CARS1: variants seen among roughly 807,000 people sequenced by gnomAD.
The protein encoded by CARS1 is cysteine--tRNA ligase, cytoplasmic.
CARS1 carries 48 observed loss-of-function variants against 106.2 expected under a neutral mutation model. That is an observed-to-expected ratio of 0.45 (90% confidence interval 0.36 to 0.57). CARS1 has a LOEUF of 0.57. Among genes scored for constraint, CARS1 ranks in the 20% least tolerant of loss-of-function variants. The probability of loss-of-function intolerance (pLI) is 0.00; values close to 1 mark genes in which losing one functional copy is unlikely to be tolerated. For synonymous variants in CARS1, 409 were observed against 403.4 expected (o/e 1.01, Z -0.17); for missense variants, 968 against 1,057.2 (o/e 0.92, Z 1.17).
intron 2 of CARS1, chr11:3,042,474 G>C (rs1854594353): frequency 5.6e-6 from 3 of 538,046 alleles, no homozygotes; most frequent in Admixed American, 3.5e-5. Context: ...GCCCAGGCCA[G>C]AGTGCAGTGG....
Position 3,034,990 on chromosome 11 carries a change from C to T in CARS1, c.801+3060G>A, listed in dbSNP as rs1214487432. 2.6e-5 allele frequency among the ~76,000 whole-genome samples: 4 copies of T among 152,108 alleles called. No individual in the cohort carries two copies. Among genetic ancestry groups the T allele is most frequent in the Admixed American group, 6.5e-5 (1 of 15,268 alleles). On this transcript the variant is annotated intron_variant, in intron 7 of 22. Coordinates refer to ENST00000380525, the MANE Select transcript of CARS1 (RefSeq NM_001014437.3). This position sits in a 1 kb window ranked among gnomAD's most constrained non-coding sequence, Gnocchi z 6.3. ...CAGAGCATCACATGGCCAGGGGGCT[C>T]ATGAGGGCCAAACTGGCTTCTGTAA...
Position 3,038,466 on chromosome 11 carries a change from T to G in CARS1, c.652-267A>C, listed in dbSNP as rs1853978201. Reference sequence around the variant, plus strand: ...CAGTTTCTCCAATGCAAATTGGGTGTGAGAGCAGTATTTCTAGGGCTGTTC... The same window carrying G: ...CAGTTTCTCCAATGCAAATTGGGTGGGAGAGCAGTATTTCTAGGGCTGTTC... On this transcript the variant is annotated intron_variant, in intron 6 of 22. Transcript: ENST00000380525. The surrounding 1 kb of genome is among the most constrained non-coding windows in gnomAD (Gnocchi z 4.0). Among the ~76,000 whole-genome samples, 1 of 152,176 alleles carries G rather than the reference T, an allele frequency of 6.6e-6. No individual in the cohort carries two copies. The highest frequency in any genetic ancestry group is 6.5e-5 in the Admixed American group (1 of 15,286).
intron 17 of CARS1, among the ~76,000 whole-genome samples, chr11:3,013,950 C>CA (rs1306809046): frequency 6.6e-6 from 1 of 152,116 alleles, no homozygotes; most frequent in Non-Finnish European, 1.5e-5. Flanking sequence ...GACTCTGTCT[C>CA]AAAAACAGAA....
rs1291426875 is a variant in CARS1 at position 3,052,407 on chromosome 11, GTAT to G, written c.26-4409_26-4407del. ...CATCATTATTATCATAATCGCTCTG[GTAT>G]TATTAATGTTATTGTAATAGCCGCA... On this transcript the variant is annotated intron_variant, in intron 1 of 22. Coordinates refer to ENST00000380525, the MANE Select transcript of CARS1 (RefSeq NM_001014437.3). The surrounding 1 kb of genome is among the most constrained non-coding windows in gnomAD (Gnocchi z 4.6). Among the ~76,000 whole-genome samples, 5 of 152,186 alleles carry G rather than the reference GTAT, an allele frequency of 3.3e-5. No homozygotes were observed. The highest frequency in any genetic ancestry group is 7.3e-5 in the Non-Finnish European group (5 of 68,036).
Position 3,018,414 on chromosome 11 carries a change from G to C in CARS1, c.1623C>G (p.Phe541Leu), listed in dbSNP as rs1431223421. 6.2e-6 allele frequency: 10 copies of C among 1,611,186 alleles called. No homozygotes were observed. The highest frequency in any genetic ancestry group is 1.1e-5 in the South Asian group (1 of 91,028). Residue 541 changes from phenylalanine to leucine, a missense_variant, in exon 14 of 23, where the codon TTC becomes TTG. Phe to Leu is a conservative substitution (Grantham distance 22). Coordinates refer to ENST00000380525, the MANE Select transcript of CARS1 (RefSeq NM_001014437.3). ...TMESALQYEK[F>L]LNEFFLNVKD... Reference sequence around the variant, plus strand: ...GAAGGGGCTGGGGACTCACATTCAAGAACTTCTCATATTGAAGCGCTGACT... The same window carrying C: ...GAAGGGGCTGGGGACTCACATTCAACAACTTCTCATATTGAAGCGCTGACT...
chr11:3,033,908 T>C (rs1243450882), intron 7 of CARS1, among the ~76,000 whole-genome samples: 3 of 152,218 alleles, frequency 2.0e-5, no homozygotes, highest in Non-Finnish European at 4.4e-5. Flanking sequence ...ATGATACTCC[T>C]GCAGGACTGG....
In CARS1 at chr11:3,019,539, C is replaced by T. The variant is rs965757291; in HGVS notation, c.1267-272G>A. Among the ~76,000 whole-genome samples, 5 of 151,822 alleles carry T rather than the reference C, an allele frequency of 3.3e-5. No individual in the cohort carries two copies. The highest frequency in any genetic ancestry group is 1.2e-4 in the African/African-American group (5 of 41,324). ...TGAAACCCCGTCTCTACTAAAAATA[C>T]AAAAAAATACAAAAATTAGCTGAGC... On this transcript the variant is annotated intron_variant, in intron 11 of 22. Coordinates refer to ENST00000380525, the MANE Select transcript of CARS1 (RefSeq NM_001014437.3). The surrounding 1 kb of genome is among the most constrained non-coding windows in gnomAD (Gnocchi z 6.2).
chr11:3,047,274 C>A (rs1397409779), intron 2 of CARS1, among the ~76,000 whole-genome samples: 1 of 105,878 alleles, frequency 9.4e-6, no homozygotes, highest in Non-Finnish European at 1.8e-5. Context: ...GAGACTCCAT[C>A]TCAAAAAAAA....
rs547458078 is a variant in CARS1, at chr11:3,018,359, T to G, written c.1629+49A>C. ...TCACCACTGCACAAGGTGCCCACTGTGCAGGGGAGGCTGCTCCACCAACCT... is the reference window on the plus strand; with the variant it reads ...TCACCACTGCACAAGGTGCCCACTGGGCAGGGGAGGCTGCTCCACCAACCT... On this transcript the variant is annotated intron_variant, in intron 14 of 22. Coordinates refer to ENST00000380525, the MANE Select transcript of CARS1 (RefSeq NM_001014437.3). 1.7e-5 allele frequency: 22 copies of G among 1,266,752 alleles called. No individual in the cohort carries two copies. In the Admixed American group the frequency reaches 3.9e-4, roughly 23 times the overall value. The allele number at this position is 1,266,752 out of a possible 1,614,324, so 78.5% of individuals were successfully genotyped here. A position where few individuals can be genotyped will look rare whatever the true frequency, so the allele number is the denominator to read the frequency against.
chr11:3,001,836 G>A (rs1849426624), intron 22 of CARS1, 134 bp downstream of exon 22: 1 of 772,402 alleles, frequency 1.3e-6, no homozygotes, highest in Admixed American at 1.8e-5. Context: ...TGGACCTAAA[G>A]CGGGTGTCAG....
rs754975750 is a variant in CARS1, at chr11:3,046,060, C to A, written c.274+1693G>T. 6.6e-6 allele frequency among the ~76,000 whole-genome samples: 1 copy of A among 152,182 alleles called. No homozygotes were observed. The highest frequency in any genetic ancestry group is 1.5e-5 in the Non-Finnish European group (1 of 68,034). ...ACAAGCAGACCCTGGCAGCCTCTTG[C>A]GCAGCCTGGGTGATGAGGGGATTTG... On this transcript the variant is annotated intron_variant, in intron 2 of 22. Coordinates refer to ENST00000380525, the MANE Select transcript of CARS1 (RefSeq NM_001014437.3). This position sits in a 1 kb window ranked among gnomAD's most constrained non-coding sequence, Gnocchi z 5.8.
chr11:3,055,629 G>C (rs746740012), intron 1 of CARS1, among the ~76,000 whole-genome samples: 2 of 152,140 alleles, frequency 1.3e-5, no homozygotes, highest in African/African-American at 4.8e-5. Context: ...CAACCTATAT[G>C]GCAAGCTCCA....
At position 3,012,219 on chromosome 11, in the gene CARS1, G is replaced by C. The variant is rs1438541322; in HGVS notation, c.2044C>G (p.Arg682Gly). The change falls in exon 18 of 23, where the codon CGG becomes GGG. Residue 682 changes from arginine to glycine, a missense_variant. Coordinates refer to ENST00000380525, the MANE Select transcript of CARS1 (RefSeq NM_001014437.3). ...QVLSEFREGV[R>G]KIAREQKVPE... ...CCTTTTTGCTCTCGGGCAATCTTCC[G>C]CACTCCTTCTCGGAATTCTGATAAC... 1 of 1,614,082 alleles carries C rather than the reference G, an allele frequency of 6.2e-7. No individual in the cohort carries two copies. The highest frequency in any genetic ancestry group is 1.7e-5 in the Admixed American group (1 of 60,016).
chr11:3,036,156 G>T (rs1400349532), intron 7 of CARS1, among the ~76,000 whole-genome samples: 2 of 152,242 alleles, frequency 1.3e-5, no homozygotes, highest in African/African-American at 4.8e-5. Context: ...AGGCAGGGAG[G>T]AAGCTTCAGC....
intron 7 of CARS1, among the ~76,000 whole-genome samples, chr11:3,031,825 G>GA (rs1387053380): frequency 1.3e-5 from 2 of 152,208 alleles, no homozygotes; most frequent in Non-Finnish European, 2.9e-5. Flanking sequence ...AAACCCCAGG[G>GA]ACCCAGTCAT....
Position 3,019,082 on chromosome 11 carries a change from A to C in CARS1, c.1395+57T>G. ...TGAGGCCTGGGCTGACTTTTCCTCC[A>C]CTGCAGTATGAACACTGTGCTCTTG... is the stretch of plus-strand genomic sequence containing the variant. On this transcript the variant is annotated intron_variant, in intron 12 of 22. Coordinates refer to ENST00000380525, the MANE Select transcript of CARS1 (RefSeq NM_001014437.3). The surrounding 1 kb of genome is among the most constrained non-coding windows in gnomAD (Gnocchi z 6.2). 6.7e-7 allele frequency: 1 copy of C among 1,486,906 alleles called. No homozygotes were observed. The highest frequency in any genetic ancestry group is 8.9e-7 in the Non-Finnish European group (1 of 1,117,722). 92.1% of individuals were successfully genotyped at this position (1,486,906 alleles called of 1,614,324 possible).
rs1851519470 is a variant in CARS1 at position 3,020,994 on chromosome 11, A to G, written c.1154-662T>C. On this transcript the variant is annotated intron_variant, in intron 10 of 22. Coordinates refer to ENST00000380525, the MANE Select transcript of CARS1 (RefSeq NM_001014437.3). The surrounding 1 kb of genome is among the most constrained non-coding windows in gnomAD (Gnocchi z 4.6). ...AAGTTCTATTTCCTGGACAAAGCCA[A>G]TGATCACCTGGCCAACAAAAACAAG... is the stretch of plus-strand genomic sequence containing the variant. Among the ~76,000 whole-genome samples, 1 of 152,174 alleles carries G rather than the reference A, an allele frequency of 6.6e-6. No individual in the cohort carries two copies. The highest frequency in any genetic ancestry group is 2.1e-4 in the South Asian group (1 of 4,830).
rs773437267 is a variant in CARS1 at position 3,021,940 on chromosome 11, GT to G, written c.1154-1609del. ...CATTATTATGAACTTACTCATGAAAGTTTATATCTGATTTTTTAAAAATACG... is the reference window on the plus strand; with the variant it reads ...CATTATTATGAACTTACTCATGAAAGTTATATCTGATTTTTTAAAAATACG... On this transcript the variant is annotated intron_variant, in intron 10 of 22. Transcript: ENST00000380525. This position sits in a 1 kb window ranked among gnomAD's most constrained non-coding sequence, Gnocchi z 5.3. Among the ~76,000 whole-genome samples the G allele has an allele frequency of 2.0e-5, 3 of 152,190 alleles. No homozygotes were observed. The highest frequency in any genetic ancestry group is 4.4e-5 in the Non-Finnish European group (3 of 68,026).
rs1002034308 is a variant in CARS1, at chr11:3,047,965, T to A, written c.62A>T (p.Glu21Val). The change falls in exon 2 of 23, where the codon GAG becomes GTG. Residue 21 changes from glutamate (E) to valine (V), a missense_variant. Physicochemically the swap from Glu to Val is moderately radical, Grantham distance 121. Coordinates refer to ENST00000380525, the MANE Select transcript of CARS1 (RefSeq NM_001014437.3). Reference protein sequence around the residue: ...DYRSILSISDEAARAQALNEH... With the variant: ...DYRSILSISDVAARAQALNEH... ...GTTCAGGGCTTGTGCCCTGGCTGCCTCGTCACTAATGCTCAGAATGGACCT... is the reference window on the plus strand; with the variant it reads ...GTTCAGGGCTTGTGCCCTGGCTGCCACGTCACTAATGCTCAGAATGGACCT... The A allele has an allele frequency of 6.2e-7, 1 of 1,614,094 alleles. No homozygotes were observed. Among genetic ancestry groups the A allele is most frequent in the Non-Finnish European group, 8.5e-7 (1 of 1,180,026 alleles).
Sources: gnomAD v4.1 joint callset for allele counts (sites outside exome capture counted in the v4.1 genomes callset) on GRCh38, gnomAD v4.1.1 for gene constraint, Gnocchi (gnomAD v3.1) non-coding constraint, MANE v1.5 for transcripts, NCBI Gene and HGNC (gene_info 2026-07-23, HGNC 2026-07-21) for gene names.